Variants in ADAM12 observed in about 807,000 individuals in gnomAD.
The protein encoded by ADAM12 is ADAM metallopeptidase domain 12, also known as disintegrin and metalloproteinase domain-containing protein 12.
A neutral mutation model predicts 106.4 loss-of-function variants in ADAM12; 70 were observed. The ratio of observed to expected loss-of-function variants is 0.66; its 90% CI spans 0.54 to 0.80. ADAM12 has a LOEUF of 0.80. Among genes scored for constraint, ADAM12 ranks in the 30% least tolerant of loss-of-function variants. ADAM12 has a pLI of 0.00. For synonymous variants in ADAM12, 420 were observed against 433.5 expected, an observed-to-expected ratio of 0.97 and a Z score of 0.39; for missense variants, 1,010 against 1,171.9, an observed-to-expected ratio of 0.86 and a Z score of 2.02.
chr10:126,387,941 G>A, intron 1 of ADAM12, 117 bp downstream of exon 1: 3 of 1,143,302 alleles, frequency 2.6e-6, no homozygotes, highest in Non-Finnish European at 3.2e-6. Context: ...CCGGGGCTCC[G>A]GAGATGCGCC....
At chr10:126,337,681 T>G (rs1464123158) in intron 1 of ADAM12, among the ~76,000 whole-genome samples, 1 of 152,160 alleles carries the variant, frequency 6.6e-6, no homozygotes, top group African/African-American at 2.4e-5. Context: ...TTATCAGCCA[T>G]GTAGGCAACC....
At chr10:126,380,168 C>G (rs939465422) in intron 1 of ADAM12, among the ~76,000 whole-genome samples, 1 of 152,024 alleles carries the variant, frequency 6.6e-6, no homozygotes, top group African/African-American at 2.4e-5. Flanking sequence ...CAACTGGAGG[C>G]AAGGTATATT....
At chr10:126,135,088 G>A (rs138132400) in intron 5 of ADAM12, among the ~76,000 whole-genome samples, 97 of 152,296 alleles carry the variant, frequency 6.4e-4, no homozygotes, top group African/African-American at 2.2e-3. Context: ...CATCATGCCC[G>A]TAGCATAGTA....
chr10:126,128,104 A>T (rs1956235622), intron 5 of ADAM12, among the ~76,000 whole-genome samples: 1 of 152,130 alleles, frequency 6.6e-6, no homozygotes, highest in African/African-American at 2.4e-5. Flanking sequence ...TATCACTGAG[A>T]GGCCATGAGG....
intron 5 of ADAM12, among the ~76,000 whole-genome samples, chr10:126,121,546 T>C (rs1487582765): frequency 1.4e-5 from 2 of 145,128 alleles, no homozygotes; most frequent in African/African-American, 2.5e-5. Flanking sequence ...TAATATATAA[T>C]CTTATATAAT....
intron 8 of ADAM12, among the ~76,000 whole-genome samples, chr10:126,105,042 G>A (rs1349605310): frequency 2.6e-5 from 4 of 152,130 alleles, no homozygotes; most frequent in South Asian, 2.1e-4. Flanking sequence ...GGTCTTTGGC[G>A]TCTGCTGGGG....
chr10:126,169,560 T>C (rs1314086570), intron 3 of ADAM12, among the ~76,000 whole-genome samples: 2 of 152,154 alleles, frequency 1.3e-5, no homozygotes, highest in South Asian at 2.1e-4. Flanking sequence ...GCTGCTATTT[T>C]AGGATATGAG....
intron 3 of ADAM12, among the ~76,000 whole-genome samples, chr10:126,198,639 G>A: frequency 6.6e-6 from 1 of 152,196 alleles, no homozygotes; most frequent in East Asian, 1.9e-4. Context: ...GGGGATCTCT[G>A]CCTGCACCTC....
At chr10:126,038,866 C>T (rs1590318957) in intron 19 of ADAM12, among the ~76,000 whole-genome samples, 1 of 151,922 alleles carries the variant, frequency 6.6e-6, no homozygotes, top group Middle Eastern at 3.4e-3. Flanking sequence ...AGAACCAAGT[C>T]CCAGGTTTAT....
chr10:126,156,445 G>A (rs1017487552), intron 3 of ADAM12, among the ~76,000 whole-genome samples: 1 of 152,154 alleles, frequency 6.6e-6, no homozygotes, highest in Non-Finnish European at 1.5e-5. Flanking sequence ...AGTAACCAAT[G>A]GAAACCTCTA....
intron 2 of ADAM12, 89 bp from the exon 3 acceptor site, chr10:126,279,077 G>A (rs549974093): frequency 1.1e-6 from 1 of 945,990 alleles, no homozygotes; most frequent in East Asian, 2.6e-5. Flanking sequence ...AGTCAAATGA[G>A]GGAATAAACG....
At position 126,019,785 on chromosome 10, in the gene ADAM12, G is replaced by T. The variant is rs376942222; in HGVS notation, c.2570C>A (p.Ala857Glu). 1 of 1,614,098 alleles carries T rather than the reference G, an allele frequency of 6.2e-7. No homozygotes were observed. Reference protein sequence around the residue: ...KPNPPQKPLPADPLARTTRLT... With the variant: ...KPNPPQKPLPEDPLARTTRLT... ...CCGAGTTGTTCTGGCCAGAGGATCTGCAGGCAGAGGCTTCTGAGGGGGGTT... is the reference window on the plus strand; with the variant it reads ...CCGAGTTGTTCTGGCCAGAGGATCTTCAGGCAGAGGCTTCTGAGGGGGGTT... The change falls in exon 22 of 23, where the codon GCA (alanine) becomes GAA (glutamate). Residue 857 changes from alanine (A) to glutamate (E), a missense_variant. This residue lies in a region of ADAM12 where 615 missense variants were observed against 708.5 expected (regional missense o/e 0.87). Transcript: ENST00000448723.
At chr10:126,141,931 C>T (rs1205254107) in intron 4 of ADAM12, among the ~76,000 whole-genome samples, 1 of 152,118 alleles carries the variant, frequency 6.6e-6, no homozygotes, top group African/African-American at 2.4e-5. Flanking sequence ...AGCTTTGGGC[C>T]ATCTAAGGCC....
chr10:126,375,278 A>C (rs541469730), intron 1 of ADAM12, among the ~76,000 whole-genome samples: 12 of 152,116 alleles, frequency 7.9e-5, no homozygotes, highest in African/African-American at 2.6e-4. Flanking sequence ...AGAAAGAAAG[A>C]AAAAGAAAGG....
At chr10:126,170,567 A>T (rs1208400951) in intron 3 of ADAM12, among the ~76,000 whole-genome samples, 1 of 152,018 alleles carries the variant, frequency 6.6e-6, no homozygotes, top group Non-Finnish European at 1.5e-5. Flanking sequence ...AGTCAGGAGG[A>T]TCCAAAAAAA....
intron 3 of ADAM12, among the ~76,000 whole-genome samples, chr10:126,160,324 C>T (rs530690002): frequency 3.3e-5 from 5 of 152,234 alleles, no homozygotes; most frequent in Admixed American, 6.5e-5. Context: ...AACAAAAACA[C>T]GCAATGATAT....
chr10:126,067,247 A>G (rs1302826985), intron 12 of ADAM12, among the ~76,000 whole-genome samples: 1 of 152,254 alleles, frequency 6.6e-6, no homozygotes, highest in Admixed American at 6.5e-5. Context: ...TTTGATTTAG[A>G]GAGTACTGGC....
intron 2 of ADAM12, among the ~76,000 whole-genome samples, chr10:126,297,633 G>A (rs1288299719): frequency 6.6e-6 from 1 of 152,076 alleles, no homozygotes; most frequent in Non-Finnish European, 1.5e-5. Context: ...CAAATGGAGG[G>A]GTTTTGTTTC....
intron 2 of ADAM12, among the ~76,000 whole-genome samples, chr10:126,317,075 T>G (rs1853903799): frequency 6.6e-6 from 1 of 152,198 alleles, no homozygotes; most frequent in Admixed American, 6.5e-5. Context: ...GAAACATGGA[T>G]GCAAACTATG....
Sources: gnomAD v4.1 joint callset for allele counts (sites outside exome capture counted in the v4.1 genomes callset) on GRCh38, gnomAD v4.1.1 for gene constraint, gnomAD v4.1.1 regional missense constraint, MANE v1.5 for transcripts, NCBI Gene and HGNC (gene_info 2026-07-23, HGNC 2026-07-21) for gene names.